TBXAS1: variants seen among roughly 807,000 people sequenced by gnomAD.
The protein encoded by TBXAS1 is thromboxane A synthase 1, also known as thromboxane-A synthase.
In TBXAS1, 48 loss-of-function variants were observed where a neutral mutation model predicts 60.7. The observed-to-expected ratio is 0.79, with a 90% confidence interval of 0.63 to 1.01. The LOEUF is 1.01. TBXAS1 is among the 50% of genes least tolerant of loss of function. TBXAS1 has a pLI of 0.00. For synonymous variants in TBXAS1, 287 were observed against 269.7 expected (o/e 1.06, Z -0.63); for missense variants, 685 against 686.3 (o/e 1.00, Z 0.02).
chr7:139,800,428 C>T (rs530816780), intron 4 of TBXAS1, among the ~76,000 whole-genome samples: 2 of 152,044 alleles, frequency 1.3e-5, no homozygotes, highest in Non-Finnish European at 2.9e-5. Flanking sequence ...TCCATTCCAC[C>T]TCTCATCTCC....
In TBXAS1 at chr7:139,995,796, C is replaced by T. The variant is rs573338887; in HGVS notation, c.1135-11295C>T. 1.7e-4 allele frequency among the ~76,000 whole-genome samples: 26 copies of T among 152,282 alleles called. No homozygotes were observed. The East Asian group carries it at 3.5e-3, about 20-fold the overall frequency. On this transcript the variant is annotated intron_variant, in intron 9 of 12. Transcript: ENST00000448866. ...TGCCTTTTCCTTGGCCATGGGCTCA[C>T]CCTGCAGATGGGTGATGATGCGCTC...
intron 3 of TBXAS1, among the ~76,000 whole-genome samples, chr7:139,887,423 T>C (rs1352027028): frequency 6.6e-6 from 1 of 152,044 alleles, no homozygotes; most frequent in Non-Finnish European, 1.5e-5. Flanking sequence ...AAACATTAAC[T>C]CTCCCTTCCC....
intron 4 of TBXAS1, among the ~76,000 whole-genome samples, chr7:139,795,150 A>G (rs1797526150): frequency 1.1e-4 from 2 of 18,038 alleles, no homozygotes; most frequent in African/African-American, 7.8e-4. Flanking sequence ...AAGTGTTCCT[A>G]TTTCTCCACA....
chr7:139,804,190 G>A (rs1364437528), intron 4 of TBXAS1, among the ~76,000 whole-genome samples: 1 of 152,242 alleles, frequency 6.6e-6, no homozygotes. Flanking sequence ...GCTTGTGTCA[G>A]CATGCCCTGG....
At chr7:139,821,276 G>C (rs547377687) in intron 4 of TBXAS1, among the ~76,000 whole-genome samples, 2 of 152,302 alleles carry the variant, frequency 1.3e-5, no homozygotes, top group East Asian at 3.9e-4. Context: ...GATTTTTCGA[G>C]TCTGTAGCAT....
intron 9 of TBXAS1, among the ~76,000 whole-genome samples, chr7:139,985,923 G>A (rs916963942): frequency 6.6e-6 from 1 of 152,246 alleles, no homozygotes; most frequent in Non-Finnish European, 1.5e-5. Flanking sequence ...GGTCCTGGTT[G>A]GTAGCACCCA....
At chr7:139,857,527 CT>C (rs1800662544) in intron 1 of TBXAS1, among the ~76,000 whole-genome samples, 1 of 152,152 alleles carries the variant, frequency 6.6e-6, no homozygotes, top group Non-Finnish European at 1.5e-5. Flanking sequence ...ATATCAGTCA[CT>C]TCAAGAGTTT....
chr7:139,782,290 G>C (rs1797028860), intron 2 of TBXAS1, among the ~76,000 whole-genome samples: 4 of 151,442 alleles, frequency 2.6e-5, no homozygotes, highest in Non-Finnish European at 5.9e-5. Context: ...AATAATAAAG[G>C]CAAGAAAACT....
chr7:139,947,523 C>A (rs1375034637), intron 5 of TBXAS1, among the ~76,000 whole-genome samples: 4 of 152,192 alleles, frequency 2.6e-5, no homozygotes, highest in African/African-American at 4.8e-5. Context: ...ATGTAACAAA[C>A]CTGCATGTCC....
chr7:139,861,274 C>T (rs765748714), intron 1 of TBXAS1, among the ~76,000 whole-genome samples: 15 of 152,132 alleles, frequency 9.9e-5, no homozygotes, highest in Non-Finnish European at 1.9e-4. Context: ...CGCTCTGTTG[C>T]CCAGGCTGGA....
Position 140,015,730 on chromosome 7 carries a change from C to G in TBXAS1, c.1234C>G (p.Arg412Gly). The G allele has an allele frequency of 1.2e-6, 2 of 1,613,210 alleles. No homozygotes were observed. The highest frequency in any genetic ancestry group is 1.7e-5 in the Admixed American group (1 of 60,024). ...ACCTGGTGTTTCCCTCAGATTCACA[C>G]GGGAGGCAGCTCAGGACTGCGAGGT... is the stretch of plus-strand genomic sequence containing the variant. ...RMYPPAFRFT[R>G]EAAQDCEVLG... is the part of the protein sequence containing the mutation. Residue 412 changes from arginine (R) to glycine (G), a missense_variant, in exon 11 of 13, where the codon CGG becomes GGG. By Grantham distance (125) the Arg-to-Gly change is moderately radical. Transcript: ENST00000448866.
intron 1 of TBXAS1, among the ~76,000 whole-genome samples, chr7:139,858,703 C>A (rs1800753737): frequency 6.6e-6 from 1 of 152,158 alleles, no homozygotes; most frequent in Admixed American, 6.5e-5. Context: ...GCCCAAGCAA[C>A]CTTGCAGACC....
intron 4 of TBXAS1, among the ~76,000 whole-genome samples, chr7:139,932,494 T>C (rs931516983): frequency 6.6e-6 from 1 of 151,766 alleles, no homozygotes; most frequent in Non-Finnish European, 1.5e-5. Context: ...TGAAATTTTC[T>C]CCATAGCTTC....
chr7:139,995,032 C>T (rs1813195859), intron 9 of TBXAS1, among the ~76,000 whole-genome samples: 1 of 152,168 alleles, frequency 6.6e-6, no homozygotes, highest in Non-Finnish European at 1.5e-5. Flanking sequence ...GAAACGGCCC[C>T]TTTCTCCCAG....
intron 5 of TBXAS1, among the ~76,000 whole-genome samples, chr7:139,948,293 TGA>T (rs138477118): frequency 6.0e-5 from 9 of 150,760 alleles, no homozygotes; most frequent in Admixed American, 6.6e-5. Context: ...TCTTTGTGCA[TGA>T]GAGAGAGAGA....
chr7:140,010,014 G>A (rs1394115604), intron 10 of TBXAS1, among the ~76,000 whole-genome samples: 1 of 51,004 alleles, frequency 2.0e-5, no homozygotes, highest in East Asian at 6.4e-4. Flanking sequence ...CTTCACACCC[G>A]CTCCACACCC....
intron 1 of TBXAS1, among the ~76,000 whole-genome samples, chr7:139,858,386 G>A (rs554516313): frequency 5.3e-5 from 8 of 152,244 alleles, no homozygotes; most frequent in East Asian, 1.9e-4. Flanking sequence ...ACCATTTATC[G>A]TTTTTTAAGG....
intron 10 of TBXAS1, among the ~76,000 whole-genome samples, chr7:140,010,535 C>G (rs1814527994): frequency 6.6e-6 from 1 of 152,164 alleles, no homozygotes; most frequent in African/African-American, 2.4e-5. Flanking sequence ...CAGGTCCAGG[C>G]TGTTTCCAGA....
chr7:139,863,073 G>A (rs1312817725), intron 1 of TBXAS1, among the ~76,000 whole-genome samples: 1 of 152,086 alleles, frequency 6.6e-6, no homozygotes, highest in Non-Finnish European at 1.5e-5. Context: ...TATAAGAATG[G>A]TATTTATTTC....
Sources: allele counts gnomAD v4.1 joint callset (sites outside exome capture counted in the v4.1 genomes callset), GRCh38; gene constraint gnomAD v4.1.1; transcripts MANE v1.5; gene names NCBI Gene and HGNC (gene_info 2026-07-23, HGNC 2026-07-21).